The following RNF34 variants were observed in gnomAD, a reference collection of about 807,000 sequenced individuals.
RNF34 encodes the protein E3 ubiquitin-protein ligase RNF34.
In RNF34, 12 loss-of-function variants were observed where a neutral mutation model predicts 37.9. The observed-to-expected ratio is 0.32, with a 90% CI of 0.20 to 0.51. The LOEUF (loss-of-function observed/expected upper bound fraction) is 0.51, where lower values mean the gene tolerates loss of function less well. Among genes scored for constraint, RNF34 ranks in the 20% least tolerant of loss-of-function variants. RNF34 has a pLI of 0.97. For missense variants in RNF34, 362 were observed against 472.7 expected, an observed-to-expected ratio of 0.77 and a Z score of 2.17; for synonymous variants, 155 against 177.2, an observed-to-expected ratio of 0.87 and a Z score of 1.00.
intron 1 of RNF34, chr12:121,409,360 A>T (rs1004099770): frequency 1.3e-5 from 2 of 152,186 alleles, no homozygotes; most frequent in Non-Finnish European, 2.9e-5. Context: ...CAACAGAAAA[A>T]CATGTAGACA....
intron 1 of RNF34, among the ~76,000 whole-genome samples, chr12:121,405,405 C>CTTG (rs61659403): frequency 0.19 from 28,965 of 152,068 alleles, 4,239 homozygotes; most frequent in African/African-American, 0.41. Context: ...ATTATCCAGA[C>CTTG]TTGGCTACAG....
At chr12:121,401,839 T>C (rs781918832) in intron 1 of RNF34, among the ~76,000 whole-genome samples, 4 of 152,196 alleles carry the variant, frequency 2.6e-5, no homozygotes, top group Non-Finnish European at 5.9e-5. Flanking sequence ...ATTGAAATTA[T>C]AGAAAAGATA....
rs556023779 is a variant in RNF34, at chr12:121,423,357, C to T, written c.929-29C>T. ...CTGGCTGACTGGCCATGCCTGAAGC[C>T]GAGGCCTTAGCTCTCTGTTGCCTTT... On this transcript the variant is annotated intron_variant, in intron 5 of 5. Coordinates refer to ENST00000361234, the MANE Select transcript of RNF34 (RefSeq NM_025126.4). The surrounding 1 kb of genome is among the most constrained non-coding windows in gnomAD (Gnocchi z 4.3). 5.3e-5 allele frequency: 82 copies of T among 1,554,176 alleles called. 2 individuals carry two copies. The highest frequency in any genetic ancestry group is 1.7e-4 in the Admixed American group (9 of 54,338).
intron 1 of RNF34, among the ~76,000 whole-genome samples, chr12:121,411,139 C>T (rs1194928895): frequency 3.9e-5 from 6 of 152,172 alleles, no homozygotes; most frequent in African/African-American, 1.4e-4. Context: ...CTATGTTGCC[C>T]AGGCTGGTCT....
intron 3 of RNF34, 68 bp from the exon 4 acceptor site, chr12:121,420,174 A>G: frequency 2.1e-6 from 3 of 1,434,490 alleles, no homozygotes; most frequent in Non-Finnish European, 2.9e-6. Flanking sequence ...AGCATCAATG[A>G]CAAGGTTTTC....
Position 121,420,596 on chromosome 12 carries a change from A to G in RNF34, c.746A>G (p.Glu249Gly). 6.2e-7 allele frequency: 1 copy of G among 1,614,122 alleles called. No homozygotes were observed. Among genetic ancestry groups the G allele is most frequent in the South Asian group, 1.1e-5 (1 of 91,086 alleles). ...AEDRNPGLSK[E>G]RVRASLSDLS... ...TTTCAGAACCCCGGGCTCTCCAAGGAGAGAGTGAGAGCTTCACTGTCTGAC... is the reference window on the plus strand; with the variant it reads ...TTTCAGAACCCCGGGCTCTCCAAGGGGAGAGTGAGAGCTTCACTGTCTGAC... Residue 249 changes from glutamate to glycine, a missense_variant, in exon 5 of 6, where the codon GAG becomes GGG. Glu to Gly is a moderately conservative substitution (Grantham distance 98). Coordinates refer to ENST00000361234, the MANE Select transcript of RNF34 (RefSeq NM_025126.4).
At chr12:121,421,181 A>G (rs954515401) in intron 5 of RNF34, among the ~76,000 whole-genome samples, 28 of 152,050 alleles carry the variant, frequency 1.8e-4, no homozygotes, top group Admixed American at 6.6e-5. Flanking sequence ...CAGATGTTAC[A>G]TAGTTCTTAG....
rs1230697013 is a variant in RNF34 at position 121,423,321 on chromosome 12, TG to T, written c.929-62del. Reference sequence around the variant, plus strand: ...AGCAGGTGGCTGCTCAGCTTCGGACTGGGAGGGTGGCTGGCTGACTGGCCAT... The same window carrying T: ...AGCAGGTGGCTGCTCAGCTTCGGACTGGAGGGTGGCTGGCTGACTGGCCAT... On this transcript the variant is annotated intron_variant, in intron 5 of 5. Transcript: ENST00000361234. This position sits in a 1 kb window ranked among gnomAD's most constrained non-coding sequence, Gnocchi z 4.3. The T allele has an allele frequency of 9.6e-6, 13 of 1,360,020 alleles. No individual in the cohort carries two copies. In the African/African-American group the frequency reaches 1.6e-4, roughly 16 times the overall value. 84.2% of individuals were successfully genotyped at this position (1,360,020 alleles called of 1,614,324 possible).
intron 1 of RNF34, among the ~76,000 whole-genome samples, chr12:121,405,280 C>CT (rs1401298330): frequency 2.0e-5 from 3 of 152,172 alleles, no homozygotes; most frequent in African/African-American, 4.8e-5. Context: ...AGTGAAGGAA[C>CT]TGACATGCTT....
chr12:121,420,809 GTAT>G, intron 5 of RNF34, 31 bp downstream of exon 5: 1 of 1,551,712 alleles, frequency 6.4e-7, no homozygotes, highest in Non-Finnish European at 8.9e-7. Context: ...TTTCCCTGTA[GTAT>G]TTTTCCTTAG....
chr12:121,400,182 T>C lies in RNF34; in HGVS notation c.-31T>C, dbSNP rs782440713. 4.4e-6 allele frequency: 7 copies of C among 1,606,604 alleles called. No individual in the cohort carries two copies. The highest frequency in any genetic ancestry group is 1.7e-4 in the Middle Eastern group (1 of 6,046). On this transcript the variant is annotated 5_prime_UTR_variant, in exon 1 of 6. Coordinates refer to ENST00000361234, the MANE Select transcript of RNF34 (RefSeq NM_025126.4). ...GCTGCTATGGTGCTGAGTTTCCTGG[T>C]AGAGCCGGCCGAGCTGAGGCGGTCG...
intron 5 of RNF34, among the ~76,000 whole-genome samples, chr12:121,421,424 C>T (rs1359396639): frequency 1.4e-5 from 2 of 146,478 alleles, no homozygotes; most frequent in African/African-American, 5.0e-5. Context: ...GTGGTGGCAC[C>T]AGCCTGTGGT....
rs1253713184 is a variant in RNF34, at chr12:121,402,770, T to C, written c.6+2552T>C. The C allele has an allele frequency of 3.1e-6, 5 of 1,608,624 alleles. No individual in the cohort carries two copies. The African/African-American group carries it at 4.0e-5, about 13-fold the overall frequency. ...GGGGAGTGGTACTAAGGATCAAGTATACTGTTAAAAGAAAACAAAAACCCA... is the reference window on the plus strand; with the variant it reads ...GGGGAGTGGTACTAAGGATCAAGTACACTGTTAAAAGAAAACAAAAACCCA... On this transcript the variant is annotated intron_variant, in intron 1 of 5. Coordinates refer to ENST00000361234, the MANE Select transcript of RNF34 (RefSeq NM_025126.4).
chr12:121,413,429 T>TTTTTTTTTTTA (rs1871282024), intron 1 of RNF34, among the ~76,000 whole-genome samples: 1 of 148,792 alleles, frequency 6.7e-6, no homozygotes, highest in African/African-American at 2.5e-5. Context: ...TTTTTTTTTT[T>TTTTTTTTTTTA]GAGACGGAGT....
At position 121,400,169 on chromosome 12, in the gene RNF34, C is replaced by T; in HGVS notation, c.-44C>T. 6.2e-7 allele frequency: 1 copy of T among 1,604,004 alleles called. No individual in the cohort carries two copies. Among genetic ancestry groups the T allele is most frequent in the Non-Finnish European group, 8.5e-7 (1 of 1,177,486 alleles). On this transcript the variant is annotated 5_prime_UTR_variant, in exon 1 of 6. Transcript: ENST00000361234. ...GGCAGTGTGAGGAGCTGCTATGGTG[C>T]TGAGTTTCCTGGTAGAGCCGGCCGA...
chr12:121,412,370 G>T (rs1353895139), intron 1 of RNF34, among the ~76,000 whole-genome samples: 1 of 150,742 alleles, frequency 6.6e-6, no homozygotes, highest in Non-Finnish European at 1.5e-5. Context: ...CTCCCGAGTA[G>T]CTGGGACTAC....
chr12:121,402,773 T>C (rs782451567), intron 1 of RNF34: 2 of 1,609,124 alleles, frequency 1.2e-6, no homozygotes, highest in Non-Finnish European at 8.5e-7. Flanking sequence ...TCAAGTATAC[T>C]GTTAAAAGAA....
rs782220675 is a variant in RNF34, at chr12:121,417,674, A to G, written c.396A>G (p.Ile132Met). The change falls in exon 3 of 6, where the codon ATA becomes ATG. Residue 132 changes from isoleucine (I) to methionine (M), a missense_variant. Physicochemically the swap from Ile to Met is conservative, Grantham distance 10 (BLOSUM62 1). Coordinates refer to ENST00000361234, the MANE Select transcript of RNF34 (RefSeq NM_025126.4). The surrounding 1 kb of genome is among the most constrained non-coding windows in gnomAD (Gnocchi z 5.0). ...DLRQYLILRN[I>M]PIDTCREKED... is the part of the protein sequence containing the mutation. ...GGCAGTATCTCATTCTGAGAAATAT[A>G]CCCATAGATACTTGTCGTGAGAAAG... 1 of 1,614,054 alleles carries G rather than the reference A, an allele frequency of 6.2e-7. No individual in the cohort carries two copies. Among genetic ancestry groups the G allele is most frequent in the African/African-American group, 1.3e-5 (1 of 74,914 alleles).
chr12:121,417,700 A>T lies in RNF34; in HGVS notation c.422A>T (p.Glu141Val). 1 of 1,614,214 alleles carries T rather than the reference A, an allele frequency of 6.2e-7. No individual in the cohort carries two copies. Among genetic ancestry groups the T allele is most frequent in the Non-Finnish European group, 8.5e-7 (1 of 1,180,032 alleles). The change falls in exon 3 of 6, where the codon GAA (glutamate) becomes GTA (valine). Residue 141 changes from glutamate (E) to valine (V), a missense_variant. Transcript: ENST00000361234. This position sits in a 1 kb window ranked among gnomAD's most constrained non-coding sequence, Gnocchi z 5.0. ...CCCATAGATACTTGTCGTGAGAAAG[A>T]AGACTTGGTGGATCTAGTACTGTGC... ...NIPIDTCREK[E>V]DLVDLVLCHH...
Sources: allele counts gnomAD v4.1 joint callset (sites outside exome capture counted in the v4.1 genomes callset), GRCh38; gene constraint gnomAD v4.1.1; non-coding constraint Gnocchi (gnomAD v3.1); transcripts MANE v1.5; gene names NCBI Gene and HGNC (gene_info 2026-07-23, HGNC 2026-07-21).